Variants in ATAD3C observed in about 807,000 individuals in gnomAD.
ATAD3C encodes ATPase family AAA domain containing 3C, also known as ATPase family AAA domain-containing protein 3C.
A neutral mutation model predicts 46.3 loss-of-function variants in ATAD3C; 38 were observed. The ratio of observed to expected loss-of-function variants is 0.82; its 90% CI spans 0.63 to 1.08. ATAD3C has a LOEUF of 1.08. Ranked by LOEUF, ATAD3C falls within the 50% of genes least tolerant of loss-of-function variation. The probability of loss-of-function intolerance (pLI) is 0.00; values close to 1 mark genes in which losing one functional copy is unlikely to be tolerated. For synonymous variants in ATAD3C, 220 were observed against 236.4 expected (o/e 0.93, Z 0.63); for missense variants, 563 against 572.7 (o/e 0.98, Z 0.17).
At chr1:1,457,805 G>T (rs1638992494) in intron 8 of ATAD3C, among the ~76,000 whole-genome samples, 3 of 150,002 alleles carry the variant, frequency 2.0e-5, no homozygotes. Context: ...ATCCTCCCAA[G>T]TAGCTGGGAT....
In ATAD3C at chr1:1,461,818, G is replaced by A. The variant is rs755668044; in HGVS notation, c.981-782G>A. Reference sequence around the variant, plus strand: ...TGCTGGCTTCTGGCCTGGCCTCCCTGCAGCTGCCACACCCGGCCCTGGAGC... The same window carrying A: ...TGCTGGCTTCTGGCCTGGCCTCCCTACAGCTGCCACACCCGGCCCTGGAGC... On this transcript the variant is annotated intron_variant, in intron 10 of 11. Coordinates refer to ENST00000378785, the MANE Select transcript of ATAD3C (RefSeq NM_001039211.3). Among the ~76,000 whole-genome samples the A allele has an allele frequency of 2.2e-4, 33 of 151,598 alleles. 1 individual carries two copies. The highest frequency in any genetic ancestry group is 8.5e-4 in the Admixed American group (13 of 15,248).
rs1039377871 is a variant in ATAD3C, at chr1:1,462,113, C to G, written c.981-487C>G. ...GTCGCCAGTGACGACAAAAGCTGCT[C>G]TGTTCCAAAGAGAGCCTGGTTCTCC... On this transcript the variant is annotated intron_variant, in intron 10 of 11. Transcript: ENST00000378785. This position sits in a 1 kb window ranked among gnomAD's most constrained non-coding sequence, Gnocchi z 4.5. 2.0e-5 allele frequency among the ~76,000 whole-genome samples: 3 copies of G among 152,200 alleles called. No homozygotes were observed. The highest frequency in any genetic ancestry group is 1.9e-4 in the East Asian group (1 of 5,192).
At chr1:1,465,462 G>T (rs1639130219) in intron 11 of ATAD3C, among the ~76,000 whole-genome samples, 1 of 151,030 alleles carries the variant, frequency 6.6e-6, no homozygotes, top group Non-Finnish European at 1.5e-5. Context: ...GTGGCGGCAG[G>T]TGCCTGTAGT....
Position 1,457,061 on chromosome 1 carries a change from G to GCA in ATAD3C, c.690-68_690-67insCA, listed in dbSNP as rs1310755738. The GCA allele has an allele frequency of 2.5e-5, 40 of 1,605,094 alleles. 1 individual carries two copies. The Middle Eastern group carries it at 1.0e-3, about 41-fold the overall frequency. The stretch of plus-strand genomic sequence containing the variant: ...TGCCTGCTTGGCCTGCTCCTGCCAT[G>GCA]GCCGGACGCCGCTGTGGGCTGCTCC... On this transcript the variant is annotated intron_variant, in intron 7 of 11. Transcript: ENST00000378785.
At chr1:1,466,647 T>A (rs373817330) in intron 11 of ATAD3C, among the ~76,000 whole-genome samples, 3 of 152,048 alleles carry the variant, frequency 2.0e-5, no homozygotes, top group African/African-American at 7.2e-5. Flanking sequence ...GATTTTTGTA[T>A]GTTGAACATT....
At chr1:1,461,875 G>C (rs1248777001) in intron 10 of ATAD3C, among the ~76,000 whole-genome samples, 2 of 152,090 alleles carry the variant, frequency 1.3e-5, no homozygotes, top group Non-Finnish European at 2.9e-5. Flanking sequence ...CTTGCTTCCT[G>C]CTGCACATGT....
At position 1,468,310 on chromosome 1, in the gene ATAD3C, C is replaced by T. The variant is rs963743411; in HGVS notation, c.1090-74C>T. 100 of 1,537,852 alleles carry T rather than the reference C, an allele frequency of 6.5e-5. No homozygotes were observed. In the African/African-American group the frequency reaches 8.9e-4, roughly 14 times the overall value. The stretch of plus-strand genomic sequence containing the variant: ...AGCCCCTGGTTTGGTCCCTCCCCAC[C>T]TCAGGGCCCTGGCGTGCATTTGGGG... On this transcript the variant is annotated intron_variant, in intron 11 of 11. Coordinates refer to ENST00000378785, the MANE Select transcript of ATAD3C (RefSeq NM_001039211.3).
chr1:1,458,344 G>T (rs1639001578), intron 8 of ATAD3C, among the ~76,000 whole-genome samples: 1 of 150,688 alleles, frequency 6.6e-6, no homozygotes, highest in African/African-American at 2.4e-5. Context: ...GCGCGATCTT[G>T]GCTCACCGCA....
At position 1,455,896 on chromosome 1, in the gene ATAD3C, G is replaced by A. The variant is rs370890588; in HGVS notation, c.544G>A (p.Gly182Arg). The A allele has an allele frequency of 5.3e-5, 85 of 1,613,172 alleles. 2 individuals are homozygous for A. Among genetic ancestry groups the A allele is most frequent in the East Asian group, 1.3e-4 (6 of 44,880 alleles). ...CCTGCTGTACGGGCCACCAGGCACC[G>A]GGAAGACGCTGTTTGCCAAGGTGAG... Reference protein sequence around the residue: ...HILLYGPPGTGKTLFAKKLAL... With the variant: ...HILLYGPPGTRKTLFAKKLAL... Residue 182 changes from glycine to arginine, a missense_variant, in exon 6 of 12, where the codon GGG becomes AGG. Physicochemically the swap from Gly to Arg is moderately radical, Grantham distance 125. Transcript: ENST00000378785.
Position 1,469,512 on chromosome 1 carries a change from T to C in ATAD3C, c.*982T>C, listed in dbSNP as rs897589398. ...GGGGTGGGGGTCAGGGGCGTCTGAC[T>C]ATGGCTGGGGAACTCATTTGGTTTT... On this transcript the variant is annotated 3_prime_UTR_variant, in exon 12 of 12. Transcript: ENST00000378785. 2 of 151,638 alleles carry C rather than the reference T, an allele frequency of 1.3e-5. No homozygotes were observed. Among genetic ancestry groups the C allele is most frequent in the African/African-American group, 4.8e-5 (2 of 41,248 alleles). 9.4% of individuals were successfully genotyped at this position (151,638 alleles called of 1,614,324 possible). A position where few individuals can be genotyped will look rare whatever the true frequency, so the allele number is the denominator to read the frequency against.
intron 3 of ATAD3C, among the ~76,000 whole-genome samples, chr1:1,453,730 C>A (rs577417368): frequency 1.3e-5 from 2 of 151,568 alleles, no homozygotes; most frequent in African/African-American, 4.9e-5. Context: ...ACCTCCGACT[C>A]GCGGGTTCAA....
In ATAD3C at chr1:1,459,729, AC is replaced by A. The variant is rs1639025213; in HGVS notation, c.812+501del. On this transcript the variant is annotated intron_variant, in intron 9 of 11. Transcript: ENST00000378785. This position sits in a 1 kb window ranked among gnomAD's most constrained non-coding sequence, Gnocchi z 4.9. ...GGTGCACCCTCCAGGCTTGGGGCCC[AC>A]CCGACTTTGTGTGGCCTCTGTGGGC... 6.6e-6 allele frequency among the ~76,000 whole-genome samples: 1 copy of A among 151,798 alleles called. No homozygotes were observed. Among genetic ancestry groups the A allele is most frequent in the Admixed American group, 6.6e-5 (1 of 15,234 alleles).
In ATAD3C at chr1:1,459,083, AG is replaced by A; in HGVS notation, c.742-76del. On this transcript the variant is annotated intron_variant, in intron 8 of 11. Coordinates refer to ENST00000378785, the MANE Select transcript of ATAD3C (RefSeq NM_001039211.3). This position sits in a 1 kb window ranked among gnomAD's most constrained non-coding sequence, Gnocchi z 4.9. ...CATGTCCCTGCTCCCTGCAGGAGGG[AG>A]GCCTGTGGGACTTTCTGCTGTGGCT... 6.4e-7 allele frequency: 1 copy of A among 1,563,418 alleles called. No homozygotes were observed. Among genetic ancestry groups the A allele is most frequent in the Non-Finnish European group, 8.7e-7 (1 of 1,154,724 alleles).
rs1035076249 is a variant in ATAD3C, at chr1:1,454,574, A to G, written c.378+74A>G. On this transcript the variant is annotated intron_variant, in intron 4 of 11. Coordinates refer to ENST00000378785, the MANE Select transcript of ATAD3C (RefSeq NM_001039211.3). ...CCCTTCTGCCCCACGAGCACAGCCC[A>G]CGCATATACTCCTGTCCCTTCCCTT... The G allele has an allele frequency of 8.8e-5, 135 of 1,532,292 alleles. 1 individual carries two copies. Among genetic ancestry groups the G allele is most frequent in the Non-Finnish European group, 1.2e-4 (132 of 1,146,078 alleles). 94.9% of individuals were successfully genotyped at this position (1,532,292 alleles called of 1,614,324 possible).
In ATAD3C at chr1:1,458,227, C is replaced by T. The variant is rs529840864; in HGVS notation, c.742-934C>T. Among the ~76,000 whole-genome samples, 29 of 151,754 alleles carry T rather than the reference C, an allele frequency of 1.9e-4. 1 individual carries two copies. Among genetic ancestry groups the T allele is most frequent in the African/African-American group, 6.0e-4 (25 of 41,390 alleles). On this transcript the variant is annotated intron_variant, in intron 8 of 11. Transcript: ENST00000378785. The stretch of plus-strand genomic sequence containing the variant: ...AACTCCTGACCTCAAATAATCTGCC[C>T]GCTGCTGCCTCCCAAAATGCTGGGA...
intron 11 of ATAD3C, among the ~76,000 whole-genome samples, 169 bp from the exon 12 acceptor site, chr1:1,468,215 C>T (rs941305760): frequency 9.9e-5 from 15 of 152,192 alleles, no homozygotes; most frequent in African/African-American, 3.4e-4. Context: ...GGGCTGCCCC[C>T]GGTGTCCACA....
Position 1,450,707 on chromosome 1 carries a change from G to A in ATAD3C, c.24G>A (p.Leu8=). Residue 8 remains leucine, a synonymous_variant, in exon 1 of 12, where the codon CTG becomes CTA. Transcript: ENST00000378785. MSKDALN[L]AQMQEQTLQL... Reference sequence around the variant, plus strand: ...CCATGTCAAAGGACGCCCTGAATCTGGCGCAGATGCAGGAGCAGACGCTGC... The same window carrying A: ...CCATGTCAAAGGACGCCCTGAATCTAGCGCAGATGCAGGAGCAGACGCTGC... The A allele has an allele frequency of 6.2e-7, 1 of 1,613,260 alleles. No homozygotes were observed. Among genetic ancestry groups the A allele is most frequent in the Non-Finnish European group, 8.5e-7 (1 of 1,179,558 alleles).
intron 4 of ATAD3C, among the ~76,000 whole-genome samples, chr1:1,454,957 T>C (rs1026551551): frequency 1.3e-5 from 2 of 151,680 alleles, no homozygotes; most frequent in Non-Finnish European, 2.9e-5. Flanking sequence ...GGCTCACACT[T>C]GTAATCCCAG....
intron 10 of ATAD3C, among the ~76,000 whole-genome samples, chr1:1,461,758 G>T (rs184445015): frequency 6.7e-6 from 1 of 149,578 alleles, no homozygotes; most frequent in African/African-American, 2.5e-5. Flanking sequence ...AGACCCCCAT[G>T]TCGGGACTAG....
Sources: gnomAD v4.1 joint callset for allele counts (sites outside exome capture counted in the v4.1 genomes callset) on GRCh38, gnomAD v4.1.1 for gene constraint, Gnocchi (gnomAD v3.1) non-coding constraint, MANE v1.5 for transcripts, NCBI Gene and HGNC (gene_info 2026-07-23, HGNC 2026-07-21) for gene names.